The following CCDC7 variants were observed in gnomAD, a reference collection of about 807,000 sequenced individuals.
CCDC7 encodes coiled-coil domain containing 7, also known as coiled-coil domain-containing protein 7.
CCDC7 carries 183 observed loss-of-function variants against 196.9 expected under a neutral mutation model. That is an observed-to-expected ratio of 0.93 (90% CI 0.82 to 1.05). The LOEUF is 1.05. Ranked by LOEUF, CCDC7 falls within the 50% of genes least tolerant of loss-of-function variation. The pLI is 0.00. For missense variants in CCDC7, 1,540 were observed against 1,482.2 expected (o/e 1.04, Z -0.64); for synonymous variants, 525 against 484.6 (o/e 1.08, Z -1.10).
intron 18 of CCDC7, among the ~76,000 whole-genome samples, chr10:32,586,993 C>G (rs996340490): frequency 6.6e-6 from 1 of 152,080 alleles, no homozygotes; most frequent in Non-Finnish European, 1.5e-5. Context: ...TATCTAAAGA[C>G]GTTTTCTTTT....
chr10:32,758,277 A>G (rs2076817827), intron 28 of CCDC7, among the ~76,000 whole-genome samples: 1 of 152,036 alleles, frequency 6.6e-6, no homozygotes, highest in South Asian at 2.1e-4. Flanking sequence ...TGATACCAAA[A>G]CCTGGCAGAG....
At chr10:32,796,840 C>T (rs79083398) in intron 29 of CCDC7, among the ~76,000 whole-genome samples, 6,477 of 152,180 alleles carry the variant, frequency 0.043, 179 homozygotes, top group Middle Eastern at 0.068. Context: ...GTCGAAAAGA[C>T]ATCCCAGGAC....
intron 9 of CCDC7, 34 bp downstream of exon 10, chr10:32,492,031 T>C: frequency 2.7e-6 from 4 of 1,493,844 alleles, no homozygotes; most frequent in Non-Finnish European, 3.6e-6. Context: ...TTATTATTTT[T>C]CTATTTTTAA....
intron 13 of CCDC7, among the ~76,000 whole-genome samples, chr10:32,550,631 A>C (rs2053319885): frequency 6.6e-6 from 1 of 151,452 alleles, no homozygotes; most frequent in South Asian, 2.1e-4. Context: ...TTGTTGAATG[A>C]TTTTTCTGCA....
chr10:32,658,122 C>T (rs1671259091), intron 20 of CCDC7, among the ~76,000 whole-genome samples: 1 of 152,220 alleles, frequency 6.6e-6, no homozygotes, highest in African/African-American at 2.4e-5. Flanking sequence ...CCCACATCTT[C>T]CTGCCTTCTA....
At chr10:32,548,866 T>C (rs1000375761) in intron 13 of CCDC7, among the ~76,000 whole-genome samples, 6 of 152,264 alleles carry the variant, frequency 3.9e-5, no homozygotes, top group Non-Finnish European at 7.3e-5. Flanking sequence ...TGTGCTGCTA[T>C]AAACATGCAT....
At position 32,633,736 on chromosome 10, in the gene CCDC7, A is replaced by G. The variant is rs1394112530; in HGVS notation, c.1802-518A>G. On this transcript the variant is annotated intron_variant, in intron 18 of 41. Transcript: ENST00000639629. ...TGTGTGTGTGTGTGTGTGTGTATATATATGTGTGTGTGTGTGTATATATAT... is the reference window on the plus strand; with the variant it reads ...TGTGTGTGTGTGTGTGTGTGTATATGTATGTGTGTGTGTGTGTATATATAT... Among the ~76,000 whole-genome samples the G allele has an allele frequency of 2.4e-3, 309 of 127,930 alleles. 1 individual carries two copies. Among genetic ancestry groups the G allele is most frequent in the African/African-American group, 7.4e-3 (267 of 36,162 alleles). The allele number at this position is 127,930 out of a possible 152,430, so 83.9% of individuals were successfully genotyped here.
At chr10:32,596,137 G>A (rs1408342640) in intron 18 of CCDC7, among the ~76,000 whole-genome samples, 1 of 152,204 alleles carries the variant, frequency 6.6e-6, no homozygotes, top group Non-Finnish European at 1.5e-5. Context: ...AATGTTGACA[G>A]TGGGGTGTTA....
intron 15 of CCDC7, 66 bp downstream of exon 16, chr10:32,567,957 T>G: frequency 7.0e-7 from 1 of 1,437,136 alleles, no homozygotes; most frequent in South Asian, 1.5e-5. Context: ...TATATTATTA[T>G]TTACTTCATT....
chr10:32,663,555 A>G (rs1349391485), intron 20 of CCDC7, among the ~76,000 whole-genome samples: 1 of 152,066 alleles, frequency 6.6e-6, no homozygotes, highest in African/African-American at 2.4e-5. Context: ...AAATCCCTCT[A>G]AATCAGGTTG....
At chr10:32,660,487 G>C (rs1363675188) in intron 20 of CCDC7, among the ~76,000 whole-genome samples, 2 of 129,658 alleles carry the variant, frequency 1.5e-5, no homozygotes, top group African/African-American at 5.9e-5. Context: ...AGTATTCCAT[G>C]GTGTATATGT....
chr10:32,786,420 A>G (rs925229455), intron 29 of CCDC7, among the ~76,000 whole-genome samples: 7 of 152,328 alleles, frequency 4.6e-5, no homozygotes, highest in Non-Finnish European at 5.9e-5. Flanking sequence ...GAGAGAAACC[A>G]TTCCTGAGGA....
chr10:32,541,246 G>A (rs537451089), intron 11 of CCDC7, among the ~76,000 whole-genome samples: 2 of 152,174 alleles, frequency 1.3e-5, no homozygotes, highest in African/African-American at 4.8e-5. Flanking sequence ...GTGGGGGTGG[G>A]CGAGGATGCC....
At chr10:32,641,633 A>T (rs1467404253) in intron 20 of CCDC7, among the ~76,000 whole-genome samples, 1 of 152,106 alleles carries the variant, frequency 6.6e-6, no homozygotes, top group Non-Finnish European at 1.5e-5. Context: ...TGATCGTCTG[A>T]AGCCTTCTTC....
At chr10:32,828,992 T>C (rs2091807566) in intron 32 of CCDC7, among the ~76,000 whole-genome samples, 1 of 152,150 alleles carries the variant, frequency 6.6e-6, no homozygotes, top group Admixed American at 6.6e-5. Flanking sequence ...CATGGACACT[T>C]TGGGCTCCTC....
At chr10:32,679,125 T>G (rs1369388692) in intron 21 of CCDC7, among the ~76,000 whole-genome samples, 1 of 152,206 alleles carries the variant, frequency 6.6e-6, no homozygotes, top group Non-Finnish European at 1.5e-5. Flanking sequence ...ATAAAAGTAT[T>G]GATAACTTTT....
intron 24 of CCDC7, among the ~76,000 whole-genome samples, chr10:32,704,231 A>G (rs2079292506): frequency 1.3e-5 from 2 of 152,274 alleles, no homozygotes; most frequent in South Asian, 4.1e-4. Flanking sequence ...TTCCACAGTC[A>G]GGACCCTCAG....
intron 26 of CCDC7, 80 bp downstream of exon 27, chr10:32,726,912 T>C: frequency 1.2e-6 from 1 of 863,380 alleles, no homozygotes; most frequent in East Asian, 2.8e-5. Context: ...GATTCCTGAA[T>C]GTGTATTTTA....
At chr10:32,769,950 T>A (rs538441888) in intron 28 of CCDC7, among the ~76,000 whole-genome samples, 31 of 152,334 alleles carry the variant, frequency 2.0e-4, no homozygotes, top group Admixed American at 1.3e-3. Flanking sequence ...TACATGTGCA[T>A]GTGTCTTTAT....
Sources: gnomAD v4.1 joint callset for allele counts (sites outside exome capture counted in the v4.1 genomes callset) on GRCh38, gnomAD v4.1.1 for gene constraint, MANE v1.5 for transcripts, NCBI Gene and HGNC (gene_info 2026-07-23, HGNC 2026-07-21) for gene names.